The following BCL2 variants were observed in gnomAD, a reference collection of about 807,000 sequenced individuals.
BCL2 encodes the protein apoptosis regulator Bcl-2.
Under a neutral mutation model 14.2 loss-of-function variants are expected in BCL2, and 1 was observed. The ratio of observed to expected loss-of-function variants is 0.07; its 90% CI spans 0.02 to 0.33. The LOEUF is 0.33. BCL2 is among the 10% of genes least tolerant of loss of function. The pLI, the probability that BCL2 is intolerant of heterozygous loss-of-function variation, is 0.99. For synonymous variants in BCL2, 151 were observed against 137.2 expected, an observed-to-expected ratio of 1.10 and a Z score of -0.70; for missense variants, 247 against 305.9, an observed-to-expected ratio of 0.81 and a Z score of 1.44.
At position 63,318,722 on chromosome 18, in the gene BCL2, C is replaced by T. The variant is rs1913593233; in HGVS notation, c.-56G>A. The T allele has an allele frequency of 1.2e-6, 2 of 1,606,358 alleles. No individual in the cohort carries two copies. The highest frequency in any genetic ancestry group is 2.7e-5 in the African/African-American group (2 of 74,562). Reference sequence around the variant, plus strand: ...CGGCACCTCTCGCCCCAGCTCCCACCCCACGGCCCCCAGAGAAAGAAGAGG... The same window carrying T: ...CGGCACCTCTCGCCCCAGCTCCCACTCCACGGCCCCCAGAGAAAGAAGAGG... On this transcript the variant is annotated 5_prime_UTR_variant, in exon 2 of 3. Transcript: ENST00000333681. This position sits in a 1 kb window ranked among gnomAD's most constrained non-coding sequence, Gnocchi z 7.4.
chr18:63,277,872 T>C (rs1238963248), intron 2 of BCL2, among the ~76,000 whole-genome samples: 1 of 152,162 alleles, frequency 6.6e-6, no homozygotes, highest in Non-Finnish European at 1.5e-5. Flanking sequence ...TGAGATACAC[T>C]CTAACGTGGG....
At chr18:63,162,848 C>G (rs968401662) in intron 2 of BCL2, among the ~76,000 whole-genome samples, 1 of 81,898 alleles carries the variant, frequency 1.2e-5, no homozygotes, top group Non-Finnish European at 2.0e-5. Context: ...TCCATCCCTC[C>G]TTCCTTCCCT....
intron 2 of BCL2, among the ~76,000 whole-genome samples, chr18:63,157,376 T>A (rs1397450830): frequency 6.6e-6 from 1 of 152,146 alleles, no homozygotes; most frequent in Non-Finnish European, 1.5e-5. Context: ...CCAAAGGGGA[T>A]CCTCAGAGGA....
intron 2 of BCL2, among the ~76,000 whole-genome samples, chr18:63,155,546 TAA>T (rs1432914799): frequency 3.9e-5 from 6 of 151,990 alleles, no homozygotes; most frequent in East Asian, 1.9e-4. Flanking sequence ...GTGGGCGCGG[TAA>T]AGAGACTGCC....
chr18:63,169,365 CTTTCTCTT>C (rs756196026), intron 2 of BCL2, among the ~76,000 whole-genome samples: 1,002 of 52,556 alleles, frequency 0.019, 81 homozygotes, highest in Non-Finnish European at 0.027. Flanking sequence ...TTCTTTCTTT[CTTTCTCTT>C]TCTTTCTTTC....
chr18:63,253,905 T>C (rs1238903767), intron 2 of BCL2, among the ~76,000 whole-genome samples: 2 of 74,518 alleles, frequency 2.7e-5, no homozygotes, highest in African/African-American at 6.5e-5. Context: ...CTGCTGAATG[T>C]TGTCTTTTTT....
At chr18:63,134,022 G>A (rs764027204) in intron 2 of BCL2, among the ~76,000 whole-genome samples, 2 of 152,046 alleles carry the variant, frequency 1.3e-5, no homozygotes, top group East Asian at 1.9e-4. Context: ...AGGACAAAAC[G>A]GTCAGCAAAA....
At chr18:63,263,160 T>C (rs998271599) in intron 2 of BCL2, among the ~76,000 whole-genome samples, 2 of 152,182 alleles carry the variant, frequency 1.3e-5, no homozygotes, top group East Asian at 3.9e-4. Context: ...TCCCCAGACA[T>C]GTGGAATAGG....
chr18:63,273,403 G>T (rs1027864867), intron 2 of BCL2, among the ~76,000 whole-genome samples: 1 of 152,162 alleles, frequency 6.6e-6, no homozygotes, highest in Non-Finnish European at 1.5e-5. Context: ...TCCTTTGAAA[G>T]AGAGTCCTTC....
chr18:63,220,010 G>A (rs533192331), intron 2 of BCL2, among the ~76,000 whole-genome samples: 6 of 152,198 alleles, frequency 3.9e-5, no homozygotes, highest in Non-Finnish European at 8.8e-5. Context: ...AAAGAAGAAT[G>A]AAGGCATTTG....
chr18:63,293,692 A>C (rs904354795), intron 2 of BCL2, among the ~76,000 whole-genome samples: 2 of 152,200 alleles, frequency 1.3e-5, no homozygotes, highest in Non-Finnish European at 2.9e-5. Flanking sequence ...TACATATAGA[A>C]ATATCATAAC....
At chr18:63,135,030 T>C (rs567112142) in intron 2 of BCL2, among the ~76,000 whole-genome samples, 13 of 152,338 alleles carry the variant, frequency 8.5e-5, no homozygotes, top group Admixed American at 1.3e-4. Flanking sequence ...ATTCCCTGAA[T>C]TGGTTTAATA....
intron 2 of BCL2, chr18:63,151,335 T>C (rs1051408921): frequency 2.6e-5 from 4 of 151,906 alleles, no homozygotes; most frequent in Admixed American, 6.6e-5. Flanking sequence ...ATCAAAACCC[T>C]GGGGTGGATT....
Position 63,256,732 on chromosome 18 carries a change from G to A in BCL2, c.585+61350C>T, listed in dbSNP as rs573423032. Among the ~76,000 whole-genome samples, 7 of 152,276 alleles carry A rather than the reference G, an allele frequency of 4.6e-5. No homozygotes were observed. In the East Asian group the frequency reaches 1.2e-3, roughly 25 times the overall value. On this transcript the variant is annotated intron_variant, in intron 2 of 2. Transcript: ENST00000333681. ...ACTTACAGTTTAGGGTCACAAAATA[G>A]GGCGATCCAACTCTCCCACTTCACA...
rs1913926650 is a variant in BCL2 at position 63,126,996 on chromosome 18, C to A, written c.*1629G>T. The A allele has an allele frequency of 4.4e-6, 1 of 226,142 alleles. No homozygotes were observed. The allele number at this position is 226,142 out of a possible 1,614,324, so 14.0% of individuals were successfully genotyped here. ...TTCCTAGTTTATTTGCTGAAGATGTCACTTCTTTTGTTACTTCTTTATAGT... is the reference window on the plus strand; with the variant it reads ...TTCCTAGTTTATTTGCTGAAGATGTAACTTCTTTTGTTACTTCTTTATAGT... On this transcript the variant is annotated 3_prime_UTR_variant, in exon 3 of 3. Transcript: ENST00000333681.
chr18:63,197,985 G>A (rs774626550), intron 2 of BCL2, among the ~76,000 whole-genome samples: 4 of 152,200 alleles, frequency 2.6e-5, no homozygotes, highest in African/African-American at 7.2e-5. Flanking sequence ...TGTATCATAA[G>A]GTGGATTTTA....
chr18:63,213,557 C>T (rs564239316), intron 2 of BCL2, among the ~76,000 whole-genome samples: 6 of 151,006 alleles, frequency 4.0e-5, no homozygotes, highest in African/African-American at 1.5e-4. Context: ...AACACACACA[C>T]ACACACACAC....
intron 2 of BCL2, among the ~76,000 whole-genome samples, chr18:63,226,312 C>T (rs920018941): frequency 6.6e-6 from 1 of 152,116 alleles, no homozygotes; most frequent in Non-Finnish European, 1.5e-5. Flanking sequence ...AGGCAACATT[C>T]GAGTGGGAAA....
intron 2 of BCL2, among the ~76,000 whole-genome samples, chr18:63,203,539 A>G (rs1909757653): frequency 6.6e-6 from 1 of 152,248 alleles, no homozygotes; most frequent in Non-Finnish European, 1.5e-5. Context: ...GATACAAGAT[A>G]CAAGTCCCTA....
Sources: allele counts gnomAD v4.1 joint callset (sites outside exome capture counted in the v4.1 genomes callset), GRCh38; gene constraint gnomAD v4.1.1; non-coding constraint Gnocchi (gnomAD v3.1); transcripts MANE v1.5; gene names NCBI Gene and HGNC (gene_info 2026-07-23, HGNC 2026-07-21).